The following AQP11 variants were observed in gnomAD, a reference collection of about 807,000 sequenced individuals.
AQP11 encodes the protein aquaporin-11.
A neutral mutation model predicts 21.1 loss-of-function variants in AQP11; 20 were observed. The ratio of observed to expected loss-of-function variants is 0.95; its 90% confidence interval spans 0.67 to 1.38. The LOEUF (loss-of-function observed/expected upper bound fraction) is 1.38, where lower values mean the gene tolerates loss of function less well. Ranked by LOEUF, AQP11 falls within the 40% of genes most tolerant of loss-of-function variation. The probability of loss-of-function intolerance (pLI) is 0.00; values close to 1 mark genes in which losing one functional copy is unlikely to be tolerated. For synonymous variants in AQP11, 167 were observed against 150.1 expected, an observed-to-expected ratio of 1.11 and a Z score of -0.82; for missense variants, 339 against 340.4, an observed-to-expected ratio of 1.00 and a Z score of 0.03.
intron 1 of AQP11, among the ~76,000 whole-genome samples, chr11:77,599,887 C>G (rs1367506314): frequency 6.6e-6 from 1 of 151,938 alleles, no homozygotes; most frequent in Non-Finnish European, 1.5e-5. Context: ...AACCCAGGCC[C>G]AAACTCTTTT....
chr11:77,608,112 TC>T (rs1290155850), intron 2 of AQP11, among the ~76,000 whole-genome samples: 2 of 152,244 alleles, frequency 1.3e-5, no homozygotes, highest in Admixed American at 6.5e-5. Context: ...AAACTTGTTT[TC>T]AATCTGAATT....
chr11:77,596,615 C>T (rs28421376), intron 1 of AQP11, among the ~76,000 whole-genome samples: 15,702 of 137,844 alleles, frequency 0.11, 1,026 homozygotes, highest in Admixed American at 0.18. Flanking sequence ...AATCCCAGGA[C>T]CGGGACGTCA....
At chr11:77,593,251 A>G (rs912832470) in intron 1 of AQP11, among the ~76,000 whole-genome samples, 5 of 152,204 alleles carry the variant, frequency 3.3e-5, no homozygotes, top group Non-Finnish European at 4.4e-5. Flanking sequence ...TTTTCTGCCA[A>G]TATAAGGGAG....
chr11:77,607,413 G>T (rs187033869), intron 2 of AQP11, among the ~76,000 whole-genome samples: 1 of 152,092 alleles, frequency 6.6e-6, no homozygotes. Context: ...GGGTGCCAGG[G>T]GAGTGAGACA....
chr11:77,595,711 C>G (rs1251788955), intron 1 of AQP11, among the ~76,000 whole-genome samples: 2 of 151,966 alleles, frequency 1.3e-5, no homozygotes, highest in Non-Finnish European at 1.5e-5. Context: ...CACCTGAGGT[C>G]GGGAGTTCGA....
chr11:77,600,260 C>A (rs540662268), intron 1 of AQP11, among the ~76,000 whole-genome samples: 2 of 151,918 alleles, frequency 1.3e-5, no homozygotes, highest in African/African-American at 4.8e-5. Context: ...TGAGCCACTG[C>A]GCCCAGCCAG....
intron 2 of AQP11, among the ~76,000 whole-genome samples, chr11:77,605,695 T>C (rs538000265): frequency 6.6e-6 from 1 of 152,262 alleles, no homozygotes; most frequent in African/African-American, 2.4e-5. Flanking sequence ...AACCGGTCCC[T>C]GGTGCTAAAA....
intron 1 of AQP11, chr11:77,590,847 G>A (rs575155105): frequency 8.1e-6 from 8 of 985,410 alleles, no homozygotes; most frequent in African/African-American, 3.5e-5. Context: ...CTGAAACTGA[G>A]ATACTGTGAG....
intron 2 of AQP11, 141 bp from the exon 3 acceptor site, chr11:77,609,157 C>T (rs751512101): frequency 1.1e-5 from 6 of 538,808 alleles, no homozygotes; most frequent in African/African-American, 3.8e-5. Context: ...ACATGTTTCA[C>T]GTAGAATTGA....
rs1380112032 is a variant in AQP11 at position 77,590,008 on chromosome 11, G to C, written c.16G>C (p.Gly6Arg). MSPLL[G>R]LRSELQDTCT... ...CGACGGAGCCATGTCGCCGCTGCTG[G>C]GGCTCCGGTCCGAGCTGCAGGACAC... The change falls in exon 1 of 3, where the codon GGG becomes CGG. Residue 6 changes from glycine (G) to arginine (R), a missense_variant. Gly to Arg is a moderately radical substitution (Grantham distance 125). Coordinates refer to ENST00000313578, the MANE Select transcript of AQP11 (RefSeq NM_173039.3). The C allele has an allele frequency of 6.7e-7, 1 of 1,496,436 alleles. No homozygotes were observed. The highest frequency in any genetic ancestry group is 8.9e-7 in the Non-Finnish European group (1 of 1,127,348). 92.7% of individuals were successfully genotyped at this position (1,496,436 alleles called of 1,614,324 possible).
intron 1 of AQP11, among the ~76,000 whole-genome samples, chr11:77,599,426 C>G (rs1958802434): frequency 1.3e-5 from 2 of 150,998 alleles, no homozygotes; most frequent in Admixed American, 1.3e-4. Context: ...CCCAGCCCCC[C>G]ACCCCATGAC....
chr11:77,598,675 G>A (rs1186138919), intron 1 of AQP11, among the ~76,000 whole-genome samples: 1 of 152,084 alleles, frequency 6.6e-6, no homozygotes. Flanking sequence ...TGTCTCTGAT[G>A]TTTGTGTTAC....
At position 77,599,161 on chromosome 11, in the gene AQP11, G is replaced by A. The variant is rs548211316; in HGVS notation, c.620-4395G>A. 1.3e-4 allele frequency among the ~76,000 whole-genome samples: 20 copies of A among 151,800 alleles called. No homozygotes were observed. The South Asian group carries it at 3.7e-3, about 28-fold the overall frequency. The stretch of plus-strand genomic sequence containing the variant: ...CTCCCAAAGTGCTGGGATTACAGGC[G>A]TGAGCCACCATGCCTGGCCACACCT... On this transcript the variant is annotated intron_variant, in intron 1 of 2. Coordinates refer to ENST00000313578, the MANE Select transcript of AQP11 (RefSeq NM_173039.3).
rs1239860978 is a variant in AQP11 at position 77,590,467 on chromosome 11, A to G, written c.475A>G (p.Ile159Val). The G allele has an allele frequency of 6.2e-7, 1 of 1,613,956 alleles. No individual in the cohort carries two copies. The highest frequency in any genetic ancestry group is 8.5e-7 in the Non-Finnish European group (1 of 1,180,016). The change falls in exon 1 of 3, where the codon ATC (isoleucine) becomes GTC (valine). Residue 159 changes from isoleucine (I) to valine (V), a missense_variant. Physicochemically the swap from Ile to Val is conservative, Grantham distance 29. Transcript: ENST00000313578. ...SERSFACKNPIRVDLLKAVIT... is the reference protein window; with the variant it reads ...SERSFACKNPVRVDLLKAVIT... Reference sequence around the variant, plus strand: ...GAGGAGCTTCGCTTGCAAGAATCCCATCCGAGTCGACTTGCTCAAAGCGGT... The same window carrying G: ...GAGGAGCTTCGCTTGCAAGAATCCCGTCCGAGTCGACTTGCTCAAAGCGGT...
intron 1 of AQP11, 80 bp from the exon 2 acceptor site, chr11:77,603,476 A>C: frequency 3.0e-6 from 3 of 990,810 alleles, no homozygotes; most frequent in Non-Finnish European, 4.4e-6. Flanking sequence ...TAAAAGTCAC[A>C]TTTAGTAACC....
rs754917855 is a variant in AQP11, at chr11:77,590,456, G to T, written c.464G>T (p.Cys155Phe). 9.3e-6 allele frequency: 15 copies of T among 1,614,016 alleles called. No homozygotes were observed. In the African/African-American group the frequency reaches 2.0e-4, roughly 22 times the overall value. ...CACGTCAGCGAGAGGAGCTTCGCTT[G>T]CAAGAATCCCATCCGAGTCGACTTG... ...QYHVSERSFA[C>F]KNPIRVDLLK... Residue 155 changes from cysteine to phenylalanine, a missense_variant, in exon 1 of 3, where the codon TGC becomes TTC. Physicochemically the swap from Cys to Phe is radical, Grantham distance 205. Coordinates refer to ENST00000313578, the MANE Select transcript of AQP11 (RefSeq NM_173039.3).
intron 1 of AQP11, chr11:77,590,815 A>G (rs1201160824): frequency 2.0e-6 from 2 of 985,328 alleles, no homozygotes; most frequent in East Asian, 2.3e-4. Flanking sequence ...TTGAACACCC[A>G]GAGAAAGGAG....
chr11:77,603,662 T>C lies in AQP11; in HGVS notation c.726T>C (p.Ala242=), dbSNP rs1377804486. 1 of 1,587,968 alleles carries C rather than the reference T, an allele frequency of 6.3e-7. No individual in the cohort carries two copies. The highest frequency in any genetic ancestry group is 1.8e-5 in the Admixed American group (1 of 54,676). ...FPQFFIVYWL[A]PSLGILLMIL... ...AGTTTTTTATAGTATACTGGCTGGC[T>C]CCTTCTTTAGGTAAGCGTATTTTTA... The change falls in exon 2 of 3, where the codon GCT becomes GCC. Residue 242 remains alanine (A), a synonymous_variant. Coordinates refer to ENST00000313578, the MANE Select transcript of AQP11 (RefSeq NM_173039.3).
At chr11:77,604,067 T>C (rs570973894) in intron 2 of AQP11, among the ~76,000 whole-genome samples, 1 of 152,306 alleles carries the variant, frequency 6.6e-6, no homozygotes, top group Non-Finnish European at 1.5e-5. Context: ...GTATTAAGTA[T>C]AGTTTAAAAA....
Sources: allele counts gnomAD v4.1 joint callset (sites outside exome capture counted in the v4.1 genomes callset), GRCh38; gene constraint gnomAD v4.1.1; transcripts MANE v1.5; gene names NCBI Gene and HGNC (gene_info 2026-07-23, HGNC 2026-07-21).